PSMA8: variants seen among roughly 807,000 people sequenced by gnomAD.
The protein encoded by PSMA8 is proteasome subunit alpha-type 8.
PSMA8 carries 18 observed loss-of-function variants against 32.4 expected under a neutral mutation model. That is an observed-to-expected ratio of 0.56 (90% confidence interval 0.38 to 0.82). The LOEUF is 0.82. PSMA8 is among the 40% of genes least tolerant of loss of function. PSMA8 has a pLI of 0.00. For synonymous variants in PSMA8, 104 were observed against 98.1 expected, an observed-to-expected ratio of 1.06 and a Z score of -0.36; for missense variants, 298 against 300.7, an observed-to-expected ratio of 0.99 and a Z score of 0.07.
intron 4 of PSMA8, 106 bp downstream of exon 4, chr18:26,158,350 A>G: frequency 1.1e-6 from 1 of 932,188 alleles, no homozygotes; most frequent in Non-Finnish European, 1.6e-6. Flanking sequence ...TTAAATATTG[A>G]TATTGGTAAA....
Position 26,192,724 on chromosome 18 carries a change from T to C in PSMA8, c.*313T>C, listed in dbSNP as rs1166321928. ...ATATGCAAATATAATTTTAAAAAAT[T>C]TTTTAATTAAAAAAATTTAATAATT... On this transcript the variant is annotated 3_prime_UTR_variant, in exon 7 of 7. Coordinates refer to ENST00000415576, the MANE Select transcript of PSMA8 (RefSeq NM_001025096.2). 1 of 156,348 alleles carries C rather than the reference T, an allele frequency of 6.4e-6. No individual in the cohort carries two copies. The highest frequency in any genetic ancestry group is 1.4e-5 in the Non-Finnish European group (1 of 71,020). The allele number at this position is 156,348 out of a possible 1,614,324, so 9.7% of individuals were successfully genotyped here.
At position 26,170,847 on chromosome 18, in the gene PSMA8, G is replaced by A. The variant is rs946560094; in HGVS notation, c.478-7983G>A. 2.8e-5 allele frequency: 43 copies of A among 1,559,094 alleles called. 2 individuals carry two copies. Among genetic ancestry groups the A allele is most frequent in the South Asian group, 4.4e-5 (4 of 89,894 alleles). ...CTCCAAATCAATTTCTGGAAAAAAC[G>A]TGTCACTTTCAAAGTCTTGCATGAT... On this transcript the variant is annotated intron_variant, in intron 4 of 6. Coordinates refer to ENST00000415576, the MANE Select transcript of PSMA8 (RefSeq NM_001025096.2).
intron 4 of PSMA8, chr18:26,171,367 G>C: frequency 7.4e-7 from 1 of 1,349,784 alleles, no homozygotes. Context: ...TCGGTATTTT[G>C]TTATGACATA....
intron 4 of PSMA8, among the ~76,000 whole-genome samples, chr18:26,177,558 G>C (rs1370459592): frequency 6.6e-6 from 1 of 152,128 alleles, no homozygotes; most frequent in Non-Finnish European, 1.5e-5. Flanking sequence ...TTACCATCAG[G>C]AGTACTAATC....
chr18:26,151,144 G>A lies in PSMA8; in HGVS notation c.230-714G>A, dbSNP rs560514789. 3.9e-5 allele frequency among the ~76,000 whole-genome samples: 6 copies of A among 152,314 alleles called. No individual in the cohort carries two copies. In the East Asian group the frequency reaches 9.6e-4, roughly 24 times the overall value. ...TTGTAGAAACAGGATTAGAAATGGT[G>A]TGGAAGGGAAACAAGAATTTGTGAC... is the stretch of plus-strand genomic sequence containing the variant. On this transcript the variant is annotated intron_variant, in intron 2 of 6. Transcript: ENST00000415576.
At chr18:26,150,190 C>A (rs553802998) in intron 2 of PSMA8, among the ~76,000 whole-genome samples, 1 of 152,312 alleles carries the variant, frequency 6.6e-6, no homozygotes, top group African/African-American at 2.4e-5. Context: ...TGAAACACTT[C>A]TGATCCCAAG....
intron 3 of PSMA8, among the ~76,000 whole-genome samples, chr18:26,155,493 A>G (rs2055081711): frequency 1.3e-5 from 2 of 152,216 alleles, no homozygotes. Flanking sequence ...GAACCCAGAA[A>G]TAAATCTACA....
intron 6 of PSMA8, among the ~76,000 whole-genome samples, chr18:26,184,385 C>T (rs1372684546): frequency 7.1e-6 from 1 of 141,392 alleles, no homozygotes; most frequent in African/African-American, 3.0e-5. Context: ...CTTAGGCCAC[C>T]AAAATATGAG....
intron 1 of PSMA8, among the ~76,000 whole-genome samples, chr18:26,136,545 C>T (rs2054912858): frequency 6.6e-6 from 1 of 152,172 alleles, no homozygotes; most frequent in African/African-American, 2.4e-5. Context: ...TGCTGCTCTG[C>T]ATCTTATTTA....
At chr18:26,161,945 A>C (rs1228278129) in intron 4 of PSMA8, among the ~76,000 whole-genome samples, 1 of 152,200 alleles carries the variant, frequency 6.6e-6, no homozygotes, top group Non-Finnish European at 1.5e-5. Flanking sequence ...CAGTATCCAG[A>C]TTAAAAAAAC....
intron 4 of PSMA8, among the ~76,000 whole-genome samples, chr18:26,173,559 CT>C (rs200356088): frequency 1.6e-3 from 230 of 143,780 alleles, no homozygotes; most frequent in Middle Eastern, 3.6e-3. Flanking sequence ...TTTTTGTCTA[CT>C]TTTTTTTTTT....
At chr18:26,154,378 G>A (rs918624226) in intron 3 of PSMA8, among the ~76,000 whole-genome samples, 2 of 151,962 alleles carry the variant, frequency 1.3e-5, no homozygotes, top group East Asian at 1.9e-4. Flanking sequence ...TATTTGCTTC[G>A]ATTTTCCTAA....
Position 26,177,832 on chromosome 18 carries a change from T to TC in PSMA8, c.478-994dup, listed in dbSNP as rs201822646. On this transcript the variant is annotated intron_variant, in intron 4 of 6. Transcript: ENST00000415576. ...TTTCTTCATGTTGATGTCATTTTTTTCCCCTCTCTTTGCTTTCTTCTTTTT... is the reference window on the plus strand; with the variant it reads ...TTTCTTCATGTTGATGTCATTTTTTTCCCCCTCTCTTTGCTTTCTTCTTTTT... Among the ~76,000 whole-genome samples the TC allele has an allele frequency of 5.7e-3, 875 of 152,230 alleles. 6 individuals are homozygous for TC. Among genetic ancestry groups the TC allele is most frequent in the African/African-American group, 0.02 (847 of 41,490 alleles).
chr18:26,143,698 C>T (rs2054977695), intron 1 of PSMA8, among the ~76,000 whole-genome samples: 1 of 152,010 alleles, frequency 6.6e-6, no homozygotes. Context: ...CATGGATTCA[C>T]CAAAAATTGG....
chr18:26,164,453 C>G (rs1255190678), intron 4 of PSMA8, among the ~76,000 whole-genome samples: 1 of 152,146 alleles, frequency 6.6e-6, no homozygotes, highest in African/African-American at 2.4e-5. Flanking sequence ...AACTTAGCAT[C>G]TCCTATAAGA....
rs1344005105 is a variant in PSMA8, at chr18:26,174,498, TAAAG to T, written c.478-4329_478-4326del. ...AAAGTTTTTAAATAAAATTAGCTCA[TAAAG>T]AACATTGATGAAAACTGGCATCTAA... On this transcript the variant is annotated intron_variant, in intron 4 of 6. Transcript: ENST00000415576. Among the ~76,000 whole-genome samples the T allele has an allele frequency of 2.6e-5, 4 of 152,240 alleles. 1 individual carries two copies. Among genetic ancestry groups the T allele is most frequent in the African/African-American group, 2.4e-5 (1 of 41,464 alleles).
At chr18:26,188,409 A>G (rs1261962684) in intron 6 of PSMA8, among the ~76,000 whole-genome samples, 1 of 151,922 alleles carries the variant, frequency 6.6e-6, no homozygotes, top group Non-Finnish European at 1.5e-5. Flanking sequence ...TAAAATGTCC[A>G]TACTACCCAA....
Position 26,142,037 on chromosome 18 carries a change from AT to A in PSMA8, c.103-2502del, listed in dbSNP as rs71169819. ...GTGTATTTTCACTTCAATAATGCTA[AT>A]TTTTTTTTTTTTTTTTTTTGAGATG... On this transcript the variant is annotated intron_variant, in intron 1 of 6. Coordinates refer to ENST00000415576, the MANE Select transcript of PSMA8 (RefSeq NM_001025096.2). Among the ~76,000 whole-genome samples, 478 of 117,558 alleles carry A rather than the reference AT, an allele frequency of 4.1e-3. 1 individual carries two copies. The highest frequency in any genetic ancestry group is 0.018 in the Middle Eastern group (4 of 218). The allele number at this position is 117,558 out of a possible 152,430, so 77.1% of individuals were successfully genotyped here.
chr18:26,165,336 A>G (rs1367646630), intron 4 of PSMA8, among the ~76,000 whole-genome samples: 3 of 152,244 alleles, frequency 2.0e-5, no homozygotes, highest in Non-Finnish European at 2.9e-5. Context: ...CTGCATCTAA[A>G]TTGAGAGAAG....
Sources: allele counts gnomAD v4.1 joint callset (sites outside exome capture counted in the v4.1 genomes callset), GRCh38; gene constraint gnomAD v4.1.1; transcripts MANE v1.5; gene names NCBI Gene and HGNC (gene_info 2026-07-23, HGNC 2026-07-21).